The following UNC93A variants were observed in gnomAD, a reference collection of about 807,000 sequenced individuals.
The protein encoded by UNC93A is N-acetylglucosamine transporter UNC93A.
UNC93A carries 43 observed loss-of-function variants against 47.5 expected under a neutral mutation model. That is an observed-to-expected ratio of 0.91 (90% confidence interval 0.71 to 1.17). The LOEUF (loss-of-function observed/expected upper bound fraction) is 1.17, where lower values mean the gene tolerates loss of function less well. Among genes scored for constraint, UNC93A ranks in the 50% most tolerant of loss-of-function variants. UNC93A has a pLI of 0.00. For missense variants in UNC93A, 605 were observed against 577.6 expected, an observed-to-expected ratio of 1.05 and a Z score of -0.49; for synonymous variants, 280 against 258.0, an observed-to-expected ratio of 1.09 and a Z score of -0.82.
At chr6:167,313,719 G>A (rs1269926962) in intron 7 of UNC93A, among the ~76,000 whole-genome samples, 2 of 152,078 alleles carry the variant, frequency 1.3e-5, no homozygotes, top group Admixed American at 6.5e-5. Context: ...GTAGCCGGGA[G>A]CTTTTAGCCA....
At chr6:167,279,627 G>A (rs995878856) in intron 1 of UNC93A, among the ~76,000 whole-genome samples, 16 of 152,062 alleles carry the variant, frequency 1.1e-4, no homozygotes, top group Non-Finnish European at 2.9e-5. Flanking sequence ...ATGGGCTTCC[G>A]GGAATCAGAA....
intron 1 of UNC93A, among the ~76,000 whole-genome samples, chr6:167,293,856 C>G (rs1273656560): frequency 1.3e-5 from 2 of 152,178 alleles, no homozygotes; most frequent in African/African-American, 2.4e-5. Context: ...TGGAGGTCAC[C>G]TCCTTCTCCC....
intron 7 of UNC93A, among the ~76,000 whole-genome samples, chr6:167,309,719 G>T (rs1336558608): frequency 1.3e-5 from 2 of 152,006 alleles, no homozygotes; most frequent in South Asian, 2.1e-4. Flanking sequence ...CTCCAGCCAC[G>T]TCCTTTCTTG....
intron 1 of UNC93A, among the ~76,000 whole-genome samples, chr6:167,291,795 G>A (rs1176147724): frequency 2.6e-5 from 4 of 152,224 alleles, no homozygotes; most frequent in Non-Finnish European, 5.9e-5. Flanking sequence ...ACAGCGAGGT[G>A]CACGTTGCTC....
chr6:167,315,297 G>A lies in UNC93A; in HGVS notation c.1219G>A (p.Val407Met), dbSNP rs549125660. ...CTTCGGGTACAGCATGTTTTTGTGC[G>A]TGCACGTCAAGCTCTACATTCTGCT... ...IAFGYSMFLCVHVKLYILLGV... is the reference protein window; with the variant it reads ...IAFGYSMFLCMHVKLYILLGV... Residue 407 changes from valine (V) to methionine (M), a missense_variant, in exon 8 of 8, where the codon GTG (valine) becomes ATG (methionine). By Grantham distance (21) the Val-to-Met change is conservative. Transcript: ENST00000230256. The A allele has an allele frequency of 7.7e-5, 125 of 1,613,714 alleles. 1 individual carries two copies. The Admixed American group carries it at 1.6e-3, about 21-fold the overall frequency.
intron 7 of UNC93A, among the ~76,000 whole-genome samples, chr6:167,312,098 C>G (rs392778): frequency 0.19 from 23,174 of 120,960 alleles, 535 homozygotes; most frequent in East Asian, 0.3. Flanking sequence ...TGACCTGGAC[C>G]CTTTTGAAGA....
At chr6:167,276,154 A>C (rs1783539763) in intron 1 of UNC93A, among the ~76,000 whole-genome samples, 1 of 149,712 alleles carries the variant, frequency 6.7e-6, no homozygotes, top group Admixed American at 6.7e-5. Context: ...TCTTGTCCCC[A>C]GTTCCATTCA....
intron 7 of UNC93A, among the ~76,000 whole-genome samples, chr6:167,311,434 T>A (rs1778553403): frequency 6.6e-6 from 1 of 152,234 alleles, no homozygotes; most frequent in Admixed American, 6.5e-5. Context: ...CACTCCTCTC[T>A]GCTTATTCCC....
At chr6:167,298,619 G>C (rs1041627197) in intron 4 of UNC93A, among the ~76,000 whole-genome samples, 1 of 151,970 alleles carries the variant, frequency 6.6e-6, no homozygotes, top group Non-Finnish European at 1.5e-5. Flanking sequence ...CTTAGCTGGA[G>C]ACGTTGCAAG....
At chr6:167,298,911 C>T (rs928069743) in intron 4 of UNC93A, among the ~76,000 whole-genome samples, 17 of 151,390 alleles carry the variant, frequency 1.1e-4, no homozygotes, top group African/African-American at 1.9e-4. Context: ...GTCAGGAGTT[C>T]GAGACCAGCC....
rs558689248 is a variant in UNC93A at position 167,315,509 on chromosome 6, A to G, written c.*57A>G. ...AAAGCACCAGCCAGAGAATTTTCTT[A>G]GAAGATGCCTCAGGACATAGAGCGG... is the stretch of plus-strand genomic sequence containing the variant. On this transcript the variant is annotated 3_prime_UTR_variant, in exon 8 of 8. Transcript: ENST00000230256. 4 of 1,613,188 alleles carry G rather than the reference A, an allele frequency of 2.5e-6. No individual in the cohort carries two copies. The South Asian group carries it at 3.3e-5, about 13-fold the overall frequency.
At chr6:167,292,012 A>T (rs1383819082) in intron 1 of UNC93A, among the ~76,000 whole-genome samples, 1 of 152,164 alleles carries the variant, frequency 6.6e-6, no homozygotes, top group East Asian at 1.9e-4. Context: ...TAAACTGTGA[A>T]CTTTGACAAC....
At chr6:167,301,623 A>C (rs1267963276) in intron 4 of UNC93A, among the ~76,000 whole-genome samples, 2 of 152,134 alleles carry the variant, frequency 1.3e-5, no homozygotes, top group African/African-American at 4.8e-5. Flanking sequence ...TGACACCCGG[A>C]CATACATAAT....
At chr6:167,277,916 A>G (rs1444648839) in intron 1 of UNC93A, among the ~76,000 whole-genome samples, 3 of 151,838 alleles carry the variant, frequency 2.0e-5, no homozygotes, top group Non-Finnish European at 2.9e-5. Context: ...CTGTCCTCCC[A>G]GGCCCTGGCA....
At chr6:167,284,508 G>A (rs570588587) in intron 1 of UNC93A, among the ~76,000 whole-genome samples, 143 of 151,998 alleles carry the variant, frequency 9.4e-4, no homozygotes, top group African/African-American at 3.3e-3. Flanking sequence ...ACTAGAAAGC[G>A]AAGGCCAGGC....
intron 1 of UNC93A, among the ~76,000 whole-genome samples, chr6:167,278,088 G>A (rs1303686174): frequency 5.9e-5 from 9 of 152,158 alleles, no homozygotes; most frequent in Non-Finnish European, 1.2e-4. Context: ...GCTACAGAAT[G>A]TCTTCCTCAG....
chr6:167,312,815 A>G (rs76121597), intron 7 of UNC93A, among the ~76,000 whole-genome samples: 3 of 152,216 alleles, frequency 2.0e-5, no homozygotes, highest in Non-Finnish European at 4.4e-5. Context: ...CAATAAATGC[A>G]TTGCTTTCTT....
intron 1 of UNC93A, among the ~76,000 whole-genome samples, chr6:167,271,942 C>G (rs1240400554): frequency 6.6e-6 from 1 of 152,152 alleles, no homozygotes; most frequent in Non-Finnish European, 1.5e-5. Context: ...TCCTAGTAGT[C>G]AAGTTTGCTG....
intron 7 of UNC93A, among the ~76,000 whole-genome samples, chr6:167,312,302 G>A (rs1036893382): frequency 2.6e-5 from 4 of 151,360 alleles, no homozygotes; most frequent in African/African-American, 4.9e-5. Flanking sequence ...CCGTGGTGCC[G>A]GCCACATCTC....
Sources: gnomAD v4.1 joint callset for allele counts (sites outside exome capture counted in the v4.1 genomes callset) on GRCh38, gnomAD v4.1.1 for gene constraint, MANE v1.5 for transcripts, NCBI Gene and HGNC (gene_info 2026-07-23, HGNC 2026-07-21) for gene names.